Variants in MMD2 observed in about 807,000 individuals in gnomAD.
MMD2 encodes the protein monocyte to macrophage differentiation factor 2.
Under a neutral mutation model 33.5 loss-of-function variants are expected in MMD2, and 30 were observed. The ratio of observed to expected loss-of-function variants is 0.90; its 90% confidence interval spans 0.67 to 1.22. The LOEUF (loss-of-function observed/expected upper bound fraction) is 1.22. Ranked by LOEUF, MMD2 falls within the 50% of genes most tolerant of loss-of-function variation. The pLI is 0.00. For synonymous variants in MMD2, 129 were observed against 123.0 expected, an observed-to-expected ratio of 1.05 and a Z score of -0.32; for missense variants, 364 against 325.4, an observed-to-expected ratio of 1.12 and a Z score of -0.91.
downstream of MMD2, among the ~76,000 whole-genome samples, chr7:4,902,901 G>C (rs572215572): frequency 4.6e-5 from 7 of 152,312 alleles, no homozygotes; most frequent in East Asian, 1.4e-3. Flanking sequence ...AGGGGCTCAG[G>C]CATCGGTAGA....
intron 1 of MMD2, among the ~76,000 whole-genome samples, chr7:4,944,060 A>C (rs551196594): frequency 3.3e-5 from 5 of 151,998 alleles, no homozygotes; most frequent in African/African-American, 1.2e-4. Context: ...CAGCCTCCCA[A>C]GTAGCTGGGG....
the MMD2 span, among the ~76,000 whole-genome samples, chr7:4,893,550 C>T: frequency 3.3e-5 from 5 of 151,980 alleles, no homozygotes; most frequent in Non-Finnish European, 7.4e-5. Flanking sequence ...CACCACCACA[C>T]CCGGCCAATT....
At chr7:4,939,244 T>A (rs1223881052) in intron 1 of MMD2, among the ~76,000 whole-genome samples, 1 of 149,646 alleles carries the variant, frequency 6.7e-6, no homozygotes, top group Non-Finnish European at 1.5e-5. Flanking sequence ...GGGGAGGTGC[T>A]AGGTAAAAGG....
chr7:4,904,324 T>C (rs1322745613), downstream of MMD2, among the ~76,000 whole-genome samples: 1 of 152,176 alleles, frequency 6.6e-6, no homozygotes, highest in African/African-American at 2.4e-5. Context: ...GAAACTTCTT[T>C]TCCTTTCCTG....
At chr7:4,905,291 AGAAGAAGAG>A (rs1214158231), downstream of MMD2, among the ~76,000 whole-genome samples, 861 of 150,024 alleles carry the variant, frequency 5.7e-3, 13 homozygotes, top group African/African-American at 0.021. The surrounding 1 kb of genome is among the most constrained non-coding windows in gnomAD (Gnocchi z 5.0). Flanking sequence ...AGGAAGAAGA[AGAAGAAGAG>A]GAAGAGGAAG....
intron 6 of MMD2, chr7:4,909,616 TTTTA>T: frequency 1.6e-6 from 1 of 639,780 alleles, no homozygotes; most frequent in Non-Finnish European, 2.8e-6. Context: ...ATTTTTTTTT[TTTTA>T]GAGATGGGTC....
intron 6 of MMD2, 127 bp from the exon 7 acceptor site, chr7:4,907,726 G>GTTGA (rs1784900516): frequency 2.5e-6 from 2 of 791,698 alleles, no homozygotes; most frequent in East Asian, 5.3e-5. Flanking sequence ...ACTCCCAGGT[G>GTTGA]GGAAGCCTCA....
At chr7:4,918,076 G>C (rs1420631304) in intron 3 of MMD2, among the ~76,000 whole-genome samples, 1 of 152,178 alleles carries the variant, frequency 6.6e-6, no homozygotes, top group African/African-American at 2.4e-5. Flanking sequence ...CCAAGTGAGG[G>C]AGCTTAGAGC....
intron 1 of MMD2, among the ~76,000 whole-genome samples, chr7:4,936,828 G>A (rs1028356197): frequency 2.6e-5 from 4 of 151,924 alleles, no homozygotes; most frequent in Admixed American, 6.6e-5. Context: ...TCCGCCTCCC[G>A]GGTTCAAGCA....
chr7:4,892,665 AACAT>A, the MMD2 span, among the ~76,000 whole-genome samples: 1 of 152,028 alleles, frequency 6.6e-6, no homozygotes, highest in African/African-American at 2.4e-5. Flanking sequence ...GGACAGGTAG[AACAT>A]ACTAAGAGTG....
the MMD2 span, among the ~76,000 whole-genome samples, chr7:4,892,309 C>T: frequency 2.6e-5 from 4 of 151,990 alleles, no homozygotes; most frequent in Admixed American, 1.3e-4. Flanking sequence ...AAATCAAGGC[C>T]GGGCACGGTG....
intron 1 of MMD2, among the ~76,000 whole-genome samples, chr7:4,938,255 C>A (rs1470793711): frequency 1.3e-5 from 2 of 151,884 alleles, no homozygotes; most frequent in African/African-American, 4.8e-5. Flanking sequence ...GTGATCCGCC[C>A]ACCTCAGCCT....
At chr7:4,895,945 G>T in the MMD2 span, among the ~76,000 whole-genome samples, 2 of 152,000 alleles carry the variant, frequency 1.3e-5, no homozygotes, top group African/African-American at 4.8e-5. Flanking sequence ...CTCCTTCCCG[G>T]GAATCATGAC....
chr7:4,945,185 T>TTTCTTCTTCTTCTTC (rs778065489), intron 1 of MMD2, among the ~76,000 whole-genome samples: 10,332 of 93,312 alleles, frequency 0.11, 1,102 homozygotes, highest in Non-Finnish European at 0.12. Context: ...CCTCTTCCTC[T>TTTCTTCTTCTTCTTC]TTCTTCTTCT....
At position 4,916,075 on chromosome 7, in the gene MMD2, C is replaced by G; in HGVS notation, c.295G>C (p.Val99Leu). 1.2e-6 allele frequency: 2 copies of G among 1,613,558 alleles called. No homozygotes were observed. The highest frequency in any genetic ancestry group is 4.5e-5 in the East Asian group (2 of 44,872). The change falls in exon 4 of 7, where the codon GTG (valine) becomes CTG (leucine). Residue 99 changes from valine to leucine, a missense_variant. Transcript: ENST00000401401. Reference sequence around the variant, plus strand: ...TCGAACATGTGTAGACAGTGTTCCACCATCCTAGGGCGGCAGAGAAGCCGG... The same window carrying G: ...TCGAACATGTGTAGACAGTGTTCCAGCATCCTAGGGCGGCAGAGAAGCCGG... Reference protein sequence around the residue: ...ISWKKSHLRMVEHCLHMFDRM... With the variant: ...ISWKKSHLRMLEHCLHMFDRM...
At chr7:4,908,660 A>T (rs1432307739) in intron 6 of MMD2, among the ~76,000 whole-genome samples, 1 of 151,710 alleles carries the variant, frequency 6.6e-6, no homozygotes, top group Admixed American at 6.6e-5. Context: ...AGCACTTTGG[A>T]GGCTAAGGAG....
chr7:4,941,400 C>T (rs964921071), intron 1 of MMD2, among the ~76,000 whole-genome samples: 6 of 152,192 alleles, frequency 3.9e-5, no homozygotes, highest in African/African-American at 1.4e-4. Context: ...GAGGCCGAGG[C>T]AGGTGGATCA....
intron 4 of MMD2, among the ~76,000 whole-genome samples, chr7:4,914,857 G>T (rs1388278866): frequency 6.6e-6 from 1 of 152,168 alleles, no homozygotes; most frequent in Non-Finnish European, 1.5e-5. Flanking sequence ...TTCAAACCCG[G>T]GAGGTGGAGG....
chr7:4,914,705 C>A (rs775863350), intron 4 of MMD2, among the ~76,000 whole-genome samples: 1 of 152,088 alleles, frequency 6.6e-6, no homozygotes, highest in Non-Finnish European at 1.5e-5. Flanking sequence ...CCGAGGCAGG[C>A]AGATCACCTG....
Sources: allele counts gnomAD v4.1 joint callset (sites outside exome capture counted in the v4.1 genomes callset), GRCh38; gene constraint gnomAD v4.1.1; non-coding constraint Gnocchi (gnomAD v3.1); transcripts MANE v1.5; gene names NCBI Gene and HGNC (gene_info 2026-07-23, HGNC 2026-07-21).